RAB7A: variants seen among roughly 807,000 people sequenced by gnomAD.
RAB7A encodes ras-related protein Rab-7a.
A neutral mutation model predicts 24.5 loss-of-function variants in RAB7A; 2 were observed. The observed-to-expected ratio is 0.08, with a 90% CI of 0.03 to 0.26. RAB7A has a LOEUF of 0.26. Among genes scored for constraint, RAB7A ranks in the 10% least tolerant of loss-of-function variants. The pLI, the probability that RAB7A is intolerant of heterozygous loss-of-function variation, is 1.00. For synonymous variants in RAB7A, 100 were observed against 95.9 expected (o/e 1.04, Z -0.25); for missense variants, 118 against 255.7 (o/e 0.46, Z 3.67).
intron 3 of RAB7A, among the ~76,000 whole-genome samples, chr3:128,801,751 A>T (rs1933703388): frequency 6.6e-6 from 1 of 152,212 alleles, no homozygotes. Flanking sequence ...AGAATAATAG[A>T]TCAAAGATGA....
chr3:128,785,439 C>T (rs116562553), intron 1 of RAB7A: 21 of 152,160 alleles, frequency 1.4e-4, no homozygotes, highest in African/African-American at 4.6e-4. Context: ...CACAGTGAAA[C>T]CCGTCTCTTG....
At chr3:128,790,863 G>A (rs1933439747) in intron 1 of RAB7A, among the ~76,000 whole-genome samples, 1 of 152,166 alleles carries the variant, frequency 6.6e-6, no homozygotes, top group Admixed American at 6.5e-5. Flanking sequence ...AAACGGGATT[G>A]TTTATATTAA....
intron 1 of RAB7A, among the ~76,000 whole-genome samples, chr3:128,734,478 G>A (rs1423476588): frequency 6.4e-4 from 87 of 135,466 alleles, no homozygotes; most frequent in South Asian, 1.8e-3. Context: ...AAAAAAAAAA[G>A]GAAAGAAAAG....
chr3:128,747,126 A>G (rs899226839), intron 1 of RAB7A, among the ~76,000 whole-genome samples: 2 of 150,100 alleles, frequency 1.3e-5, no homozygotes, highest in African/African-American at 2.5e-5. Context: ...CAACATAGCA[A>G]TACTCTATCT....
chr3:128,801,247 G>A (rs530190874), intron 3 of RAB7A, among the ~76,000 whole-genome samples: 30 of 152,350 alleles, frequency 2.0e-4, no homozygotes, highest in African/African-American at 7.0e-4. Flanking sequence ...GCTCATGCCT[G>A]TAATCCTAGT....
chr3:128,770,271 GATTACAGC>G (rs2070872922), intron 1 of RAB7A, among the ~76,000 whole-genome samples: 1 of 152,140 alleles, frequency 6.6e-6, no homozygotes, highest in South Asian at 2.1e-4. Flanking sequence ...AAAGTGCTGG[GATTACAGC>G]ACTGGCGTGA....
At chr3:128,772,136 A>G (rs1346555978) in intron 1 of RAB7A, among the ~76,000 whole-genome samples, 1 of 152,262 alleles carries the variant, frequency 6.6e-6, no homozygotes, top group African/African-American at 2.4e-5. Flanking sequence ...TAGTAATGTC[A>G]GTAATGTCGA....
intron 1 of RAB7A, among the ~76,000 whole-genome samples, chr3:128,768,103 CAG>C (rs1400386363): frequency 6.6e-6 from 1 of 152,156 alleles, no homozygotes; most frequent in Non-Finnish European, 1.5e-5. Context: ...TACCCCTCTC[CAG>C]GTAACCACTG....
intron 1 of RAB7A, among the ~76,000 whole-genome samples, chr3:128,788,804 C>A (rs1260744230): frequency 6.6e-6 from 1 of 152,144 alleles, no homozygotes; most frequent in Non-Finnish European, 1.5e-5. Flanking sequence ...TTCTGACCAC[C>A]GACCTCTGCC....
chr3:128,775,371 G>A (rs1933064126), intron 1 of RAB7A, among the ~76,000 whole-genome samples: 1 of 152,172 alleles, frequency 6.6e-6, no homozygotes, highest in Non-Finnish European at 1.5e-5. Flanking sequence ...TCCTCCACTA[G>A]CAGAGAAGAG....
intron 2 of RAB7A, among the ~76,000 whole-genome samples, chr3:128,795,751 C>CTTTTTTGTTTTTTTTTTTTTTTTTTTT (rs1933555587): frequency 4.6e-5 from 2 of 43,038 alleles, no homozygotes; most frequent in African/African-American, 6.3e-5. Context: ...AGCAGATGTG[C>CTTTTTTGTTTTTTTTTTTTTTTTTTTT]TTTTTTTTTT....
intron 1 of RAB7A, among the ~76,000 whole-genome samples, chr3:128,758,466 G>C (rs535441039): frequency 1.3e-5 from 2 of 151,758 alleles, no homozygotes; most frequent in Non-Finnish European, 2.9e-5. Context: ...TAGTAGAGAC[G>C]GGGTTTCATC....
intron 5 of RAB7A, among the ~76,000 whole-genome samples, chr3:128,809,543 T>A (rs142751955): frequency 6.6e-6 from 1 of 152,378 alleles, no homozygotes; most frequent in African/African-American, 2.4e-5. Flanking sequence ...ACTTGCATCT[T>A]AAGTGACTTT....
chr3:128,755,651 G>A (rs1221533560), intron 1 of RAB7A, among the ~76,000 whole-genome samples: 1 of 152,188 alleles, frequency 6.6e-6, no homozygotes. Context: ...TCCTGGGACT[G>A]TACTCTTTCC....
chr3:128,807,770 T>A, intron 5 of RAB7A, 99 bp downstream of exon 5: 1 of 1,540,034 alleles, frequency 6.5e-7, no homozygotes. Flanking sequence ...CCTAACCCAC[T>A]CTTTTCTGTA....
At chr3:128,780,620 G>C (rs550019652) in intron 1 of RAB7A, among the ~76,000 whole-genome samples, 60 of 152,286 alleles carry the variant, frequency 3.9e-4, no homozygotes, top group Non-Finnish European at 7.8e-4. Flanking sequence ...AACTGGATTT[G>C]GTGTGTTTAC....
intron 1 of RAB7A, among the ~76,000 whole-genome samples, chr3:128,729,283 G>A (rs2070410139): frequency 6.6e-6 from 1 of 152,040 alleles, no homozygotes; most frequent in African/African-American, 2.4e-5. Context: ...CTTTTAATAT[G>A]TCTTCAGCTG....
chr3:128,747,696 C>G (rs2070631865), intron 1 of RAB7A, among the ~76,000 whole-genome samples: 1 of 151,742 alleles, frequency 6.6e-6, no homozygotes, highest in Non-Finnish European at 1.5e-5. Flanking sequence ...ATTGGTGCCA[C>G]TTTATTTCTA....
At chr3:128,805,699 C>CT (rs1395273249) in intron 3 of RAB7A, among the ~76,000 whole-genome samples, 3 of 152,086 alleles carry the variant, frequency 2.0e-5, no homozygotes, top group African/African-American at 7.2e-5. Flanking sequence ...ATCACCCAGG[C>CT]TGGAGGGCAA....
Sources: gnomAD v4.1 joint callset for allele counts (sites outside exome capture counted in the v4.1 genomes callset) on GRCh38, gnomAD v4.1.1 for gene constraint, MANE v1.5 for transcripts, NCBI Gene and HGNC (gene_info 2026-07-23, HGNC 2026-07-21) for gene names.